ATXN2: variants seen among roughly 807,000 people sequenced by gnomAD.
ATXN2 encodes ataxin 2, also known as ataxin-2.
Under a neutral mutation model 138.6 loss-of-function variants are expected in ATXN2, and 37 were observed. The observed-to-expected ratio is 0.27, with a 90% CI of 0.21 to 0.35. ATXN2 has a LOEUF of 0.35. ATXN2 is among the 10% of genes least tolerant of loss of function. The pLI is 1.00. For synonymous variants in ATXN2, 549 were observed against 543.7 expected (o/e 1.01, Z -0.13); for missense variants, 1,216 against 1,480.3 (o/e 0.82, Z 2.93).
At chr12:111,504,439 C>A (rs536391668) in intron 14 of ATXN2, among the ~76,000 whole-genome samples, 83 of 152,166 alleles carry the variant, frequency 5.5e-4, no homozygotes, top group African/African-American at 2.0e-3. Flanking sequence ...TACAGGTGTG[C>A]GCCACCACAC....
intron 5 of ATXN2, among the ~76,000 whole-genome samples, chr12:111,528,808 A>T (rs1008448190): frequency 1.3e-5 from 2 of 152,200 alleles, no homozygotes; most frequent in Admixed American, 1.3e-4. Context: ...ATCCCTGGCT[A>T]TAAGTAATGC....
chr12:111,560,367 ATTTTATGAGG>A (rs1882614732), intron 1 of ATXN2, among the ~76,000 whole-genome samples: 1 of 152,196 alleles, frequency 6.6e-6, no homozygotes, highest in Non-Finnish European at 1.5e-5. Flanking sequence ...ATACTGTGCC[ATTTTATGAGG>A]GACTAGAGCA....
intron 9 of ATXN2, among the ~76,000 whole-genome samples, chr12:111,517,746 T>C (rs1194710439): frequency 2.0e-5 from 3 of 152,174 alleles, no homozygotes; most frequent in African/African-American, 7.2e-5. Context: ...TCTAGTCACT[T>C]TCTTCACATG....
At chr12:111,533,501 T>C (rs1359070460) in intron 5 of ATXN2, among the ~76,000 whole-genome samples, 5 of 150,202 alleles carry the variant, frequency 3.3e-5, no homozygotes, top group African/African-American at 1.3e-4. Context: ...ATGCTTTTGA[T>C]TTCCCATATA....
intron 14 of ATXN2, among the ~76,000 whole-genome samples, chr12:111,507,711 A>G (rs1443713189): frequency 6.6e-6 from 1 of 152,248 alleles, no homozygotes; most frequent in African/African-American, 2.4e-5. Flanking sequence ...GGCTTTGTGG[A>G]ATAGAAAAGG....
chr12:111,535,187 C>T (rs1881078488), intron 5 of ATXN2, among the ~76,000 whole-genome samples: 1 of 152,078 alleles, frequency 6.6e-6, no homozygotes, highest in Admixed American at 6.5e-5. Flanking sequence ...GCCATTGTTA[C>T]AGGCAATAAA....
At chr12:111,549,421 A>G (rs1490700452) in intron 5 of ATXN2, among the ~76,000 whole-genome samples, 1 of 152,020 alleles carries the variant, frequency 6.6e-6, no homozygotes, top group Admixed American at 6.6e-5. Flanking sequence ...CTATAATCCC[A>G]GCTACTCGGG....
Position 111,599,303 on chromosome 12 carries a change from G to A in ATXN2, c.-269C>T, listed in dbSNP as rs879391188. On this transcript the variant is annotated 5_prime_UTR_variant, in exon 1 of 25. Transcript: ENST00000673436. ...GCTACCAAAACAGTCTGAGGCGGAG[G>A]GAGGCGAGCTCTGCCGGGAGGGAGG... 2,120 of 1,184,214 alleles carry A rather than the reference G, an allele frequency of 1.8e-3. 2 individuals carry two copies. The highest frequency in any genetic ancestry group is 2.1e-3 in the Non-Finnish European group (1,993 of 959,508). The allele number at this position is 1,184,214 out of a possible 1,614,324, so 73.4% of individuals were successfully genotyped here. A position where few individuals can be genotyped will look rare whatever the true frequency, so the allele number is the denominator to read the frequency against.
At chr12:111,582,995 T>TTTG (rs1884099995) in intron 1 of ATXN2, among the ~76,000 whole-genome samples, 4 of 8,288 alleles carry the variant, frequency 4.8e-4, no homozygotes, top group African/African-American at 9.9e-4. Context: ...TTTTGTTTGT[T>TTTG]TTTTTTTTTT....
chr12:111,541,987 C>CA (rs1881546840), intron 5 of ATXN2, among the ~76,000 whole-genome samples: 1 of 148,876 alleles, frequency 6.7e-6, no homozygotes, highest in Non-Finnish European at 1.5e-5. Flanking sequence ...AGGCTGGTCT[C>CA]AAACTCCCGT....
At chr12:111,585,342 A>G (rs753901183) in intron 1 of ATXN2, among the ~76,000 whole-genome samples, 8 of 148,784 alleles carry the variant, frequency 5.4e-5, no homozygotes, top group East Asian at 2.0e-4. Context: ...GCAAAACCCC[A>G]TCTCTACTAA....
chr12:111,485,431 A>G (rs1877569811), intron 17 of ATXN2, 100 bp from the exon 18 acceptor site: 10 of 1,214,700 alleles, frequency 8.2e-6, no homozygotes, highest in Admixed American at 8.0e-5. Context: ...TAGGCATGAG[A>G]AGGTTTCCTG....
At chr12:111,502,427 CT>C (rs914572036) in intron 14 of ATXN2, among the ~76,000 whole-genome samples, 1 of 151,128 alleles carries the variant, frequency 6.6e-6, no homozygotes, top group Non-Finnish European at 1.5e-5. Flanking sequence ...AACTTAAGTT[CT>C]TTTTTTTTCT....
rs1881338092 is a variant in ATXN2, at chr12:111,538,850, C to T, written c.571+13430G>A. Among the ~76,000 whole-genome samples, 2 of 150,222 alleles carry T rather than the reference C, an allele frequency of 1.3e-5. 1 individual carries two copies. The highest frequency in any genetic ancestry group is 1.3e-4 in the Admixed American group (2 of 14,982). ...TGAGTGAAGATCAATAGCCCATGCT[C>T]TACAGAATCAAATATACATCAAATT... On this transcript the variant is annotated intron_variant, in intron 5 of 24. Transcript: ENST00000673436.
chr12:111,585,305 G>C (rs1222048481), intron 1 of ATXN2, among the ~76,000 whole-genome samples: 2 of 152,198 alleles, frequency 1.3e-5, no homozygotes, highest in East Asian at 3.9e-4. Flanking sequence ...CTGAGGTCAG[G>C]AGTTCAAGAC....
chr12:111,470,541 G>A lies in ATXN2; in HGVS notation c.2709+17C>T. ...TATATGGTACAAAAATTAAGAGTTA[G>A]GCCTTACCAGCCTTACCTGAGACTG... On this transcript the variant is annotated intron_variant, in intron 19 of 24. Coordinates refer to ENST00000673436, the MANE Select transcript of ATXN2 (RefSeq NM_001372574.1). The A allele has an allele frequency of 6.2e-7, 1 of 1,611,742 alleles. No individual in the cohort carries two copies. Among genetic ancestry groups the A allele is most frequent in the Middle Eastern group, 1.7e-4 (1 of 6,056 alleles).
chr12:111,471,909 A>G (rs191624437), intron 18 of ATXN2: 1 of 152,208 alleles, frequency 6.6e-6, no homozygotes, highest in East Asian at 1.9e-4. Flanking sequence ...AAGCTAGTCA[A>G]GTATACTATG....
In ATXN2 at chr12:111,500,006, G is replaced by C. The variant is rs544947403; in HGVS notation, c.1935+9543C>G. Among the ~76,000 whole-genome samples, 103 of 152,304 alleles carry C rather than the reference G, an allele frequency of 6.8e-4. 1 individual carries two copies. The highest frequency in any genetic ancestry group is 3.4e-3 in the Middle Eastern group (1 of 294). On this transcript the variant is annotated intron_variant, in intron 14 of 24. Coordinates refer to ENST00000673436, the MANE Select transcript of ATXN2 (RefSeq NM_001372574.1). ...GGATAAAGGGGAACCTTCACACACT[G>C]TTGGTGGACATGTAAATTGGTAAAA...
chr12:111,490,212 T>TAA (rs77519297), intron 14 of ATXN2, among the ~76,000 whole-genome samples: 1 of 120,502 alleles, frequency 8.3e-6, no homozygotes, highest in Non-Finnish European at 1.8e-5. Context: ...ATCTAAAAAT[T>TAA]AAAAAAAAAA....
Sources: allele counts gnomAD v4.1 joint callset (sites outside exome capture counted in the v4.1 genomes callset), GRCh38; gene constraint gnomAD v4.1.1; transcripts MANE v1.5; gene names NCBI Gene and HGNC (gene_info 2026-07-23, HGNC 2026-07-21).